Variants in CCDC73 observed in about 807,000 individuals in gnomAD.
CCDC73 encodes the protein coiled-coil domain-containing protein 73.
In CCDC73, 95 loss-of-function variants were observed where a neutral mutation model predicts 116.5. The observed-to-expected ratio is 0.82, with a 90% CI of 0.69 to 0.97. The LOEUF is 0.97. CCDC73 is among the 50% of genes least tolerant of loss of function. The pLI is 0.00. For synonymous variants in CCDC73, 398 were observed against 401.3 expected (o/e 0.99, Z 0.10); for missense variants, 1,066 against 1,206.8 (o/e 0.88, Z 1.73).
chr11:32,772,282 T>A (rs540062075), intron 1 of CCDC73, among the ~76,000 whole-genome samples: 1 of 152,270 alleles, frequency 6.6e-6, no homozygotes, highest in African/African-American at 2.4e-5. Context: ...TTTTCTCAAA[T>A]GTCAGACGAT....
chr11:32,637,176 C>T (rs1160404252), intron 13 of CCDC73, among the ~76,000 whole-genome samples: 3 of 151,786 alleles, frequency 2.0e-5, no homozygotes, highest in Admixed American at 1.3e-4. Context: ...TGCACCACCA[C>T]GCCCAGCTAA....
At chr11:32,603,386 CT>C (rs1295814595) in intron 17 of CCDC73, 2 of 164,750 alleles carry the variant, frequency 1.2e-5, no homozygotes, top group East Asian at 1.7e-4. Flanking sequence ...TGTTAAATAA[CT>C]TTTTCATTTT....
intron 1 of CCDC73, among the ~76,000 whole-genome samples, chr11:32,776,221 C>T (rs1321753554): frequency 6.6e-6 from 1 of 152,148 alleles, no homozygotes; most frequent in African/African-American, 2.4e-5. Context: ...ACCCTCATTA[C>T]CTCAGACATG....
rs775007614 is a variant in CCDC73, at chr11:32,613,483, G to T, written c.2835C>A (p.Ile945=). Residue 945 remains isoleucine (I), a synonymous_variant, in exon 16 of 18, where the codon ATC becomes ATA. Coordinates refer to ENST00000335185, the MANE Select transcript of CCDC73 (RefSeq NM_001008391.4). ...TATTTTTACAAAGAGCCATTGAAATGATCTTTTTGTTTTCTGATGGATCTA... is the reference window on the plus strand; with the variant it reads ...TATTTTTACAAAGAGCCATTGAAATTATCTTTTTGTTTTCTGATGGATCTA... ...RPLDPSENKK[I]ISMALCKNIG... 8 of 1,614,008 alleles carry T rather than the reference G, an allele frequency of 5.0e-6. 1 individual carries two copies. The highest frequency in any genetic ancestry group is 5.1e-6 in the Non-Finnish European group (6 of 1,179,948).
rs776834158 is a variant in CCDC73 at position 32,718,167 on chromosome 11, A to G, written c.136-20T>C. ...TGCTTCCTAAGTCAAAAAGAAAAAG[A>G]AAAGTGCTATAAAAATAAAGACTTT... On this transcript the variant is annotated intron_variant, in intron 2 of 17. Coordinates refer to ENST00000335185, the MANE Select transcript of CCDC73 (RefSeq NM_001008391.4). 5 of 1,525,464 alleles carry G rather than the reference A, an allele frequency of 3.3e-6. No individual in the cohort carries two copies. The highest frequency in any genetic ancestry group is 3.6e-6 in the Non-Finnish European group (4 of 1,114,910). 94.5% of individuals were successfully genotyped at this position (1,525,464 alleles called of 1,614,324 possible). A position where few individuals can be genotyped will look rare whatever the true frequency, so the allele number is the denominator to read the frequency against.
intron 12 of CCDC73, among the ~76,000 whole-genome samples, chr11:32,642,460 T>C (rs1229023552): frequency 6.6e-6 from 1 of 152,020 alleles, no homozygotes. Context: ...TTTTCCATTA[T>C]CTGTTTATTT....
upstream of CCDC73, among the ~76,000 whole-genome samples, chr11:32,798,464 T>G (rs1565104366): frequency 6.6e-6 from 1 of 152,178 alleles, no homozygotes; most frequent in Non-Finnish European, 1.5e-5. Context: ...CACGCCACCA[T>G]GCCCAGCTAT....
intron 14 of CCDC73, among the ~76,000 whole-genome samples, chr11:32,621,628 T>C (rs1367237000): frequency 6.6e-6 from 1 of 152,076 alleles, no homozygotes; most frequent in South Asian, 2.1e-4. Context: ...GATTTTATGA[T>C]GAAATCACCA....
chr11:32,812,237 C>G, the CCDC73 span, among the ~76,000 whole-genome samples: 3 of 152,138 alleles, frequency 2.0e-5, no homozygotes, highest in East Asian at 5.8e-4. Context: ...ATAAATTAAT[C>G]TAATGAATGG....
At chr11:32,621,956 G>A (rs1031362745) in intron 14 of CCDC73, among the ~76,000 whole-genome samples, 7 of 152,186 alleles carry the variant, frequency 4.6e-5, no homozygotes, top group Non-Finnish European at 8.8e-5. Flanking sequence ...AAACCACAAT[G>A]AGAATACCAT....
chr11:32,684,199 A>G (rs1176091889), intron 6 of CCDC73, among the ~76,000 whole-genome samples: 1 of 151,980 alleles, frequency 6.6e-6, no homozygotes, highest in Non-Finnish European at 1.5e-5. Flanking sequence ...CTATAGGAAC[A>G]TGCCACCACA....
chr11:32,747,659 G>A (rs1310110736), intron 2 of CCDC73, among the ~76,000 whole-genome samples: 1 of 152,202 alleles, frequency 6.6e-6, no homozygotes, highest in Non-Finnish European at 1.5e-5. Context: ...AGCAATGGCA[G>A]ATGCCCCTCC....
At chr11:32,657,323 T>C (rs1302952391) in intron 9 of CCDC73, among the ~76,000 whole-genome samples, 2 of 152,252 alleles carry the variant, frequency 1.3e-5, no homozygotes, top group African/African-American at 4.8e-5. Flanking sequence ...CTGCATAAAA[T>C]GACTGCTAAA....
At chr11:32,759,551 C>T (rs774472221) in intron 2 of CCDC73, among the ~76,000 whole-genome samples, 19 of 151,962 alleles carry the variant, frequency 1.3e-4, no homozygotes, top group Non-Finnish European at 2.4e-4. Flanking sequence ...AGGCTGGTCT[C>T]GAACTCCTGG....
At chr11:32,798,893 G>A (rs149796876), upstream of CCDC73, among the ~76,000 whole-genome samples, 387 of 134,106 alleles carry the variant, frequency 2.9e-3, no homozygotes, top group Non-Finnish European at 4.5e-3. Flanking sequence ...TGGTTTTTGC[G>A]TTTTTGTTTG....
intron 6 of CCDC73, among the ~76,000 whole-genome samples, chr11:32,698,248 T>C (rs2133311788): frequency 6.6e-6 from 1 of 152,014 alleles, no homozygotes; most frequent in East Asian, 1.9e-4. Flanking sequence ...ATGGTCTCGA[T>C]CTCCTGACCT....
chr11:32,697,481 C>CTTTTTTTTT (rs771837421), intron 6 of CCDC73, among the ~76,000 whole-genome samples: 53 of 108,742 alleles, frequency 4.9e-4, no homozygotes, highest in Non-Finnish European at 7.4e-4. Flanking sequence ...TCTCTTTATT[C>CTTTTTTTTT]TTTTTTTTTT....
At chr11:32,812,221 T>C in the CCDC73 span, among the ~76,000 whole-genome samples, 1 of 152,254 alleles carries the variant, frequency 6.6e-6, no homozygotes, top group Non-Finnish European at 1.5e-5. Flanking sequence ...TAGTTTTATT[T>C]TATTAATAAA....
At chr11:32,617,742 C>T (rs960618655) in intron 14 of CCDC73, among the ~76,000 whole-genome samples, 3 of 151,914 alleles carry the variant, frequency 2.0e-5, no homozygotes, top group Admixed American at 6.6e-5. Context: ...ATTCCTTGAG[C>T]GAGAAAACAG....
Sources: allele counts gnomAD v4.1 joint callset (sites outside exome capture counted in the v4.1 genomes callset), GRCh38; gene constraint gnomAD v4.1.1; transcripts MANE v1.5; gene names NCBI Gene and HGNC (gene_info 2026-07-23, HGNC 2026-07-21).